Variants in MTCL1 observed in about 807,000 individuals in gnomAD.
MTCL1 encodes microtubule cross-linking factor 1.
In MTCL1, 79 loss-of-function variants were observed where a neutral mutation model predicts 141.4. The observed-to-expected ratio is 0.56, with a 90% CI of 0.47 to 0.67. MTCL1 has a LOEUF of 0.67. MTCL1 is among the 30% of genes least tolerant of loss of function. The pLI, the probability that MTCL1 is intolerant of heterozygous loss-of-function variation, is 0.00. For missense variants in MTCL1, 2,177 were observed against 2,113.9 expected (o/e 1.03, Z -0.59); for synonymous variants, 914 against 875.8 (o/e 1.04, Z -0.77).
intron 4 of MTCL1, among the ~76,000 whole-genome samples, chr18:8,763,796 A>T (rs608916): frequency 3.9e-5 from 6 of 152,040 alleles, no homozygotes; most frequent in African/African-American, 1.5e-4. Flanking sequence ...TATAAATTGT[A>T]TGTGAAATCA....
chr18:8,758,476 G>A (rs2096413927), intron 4 of MTCL1, among the ~76,000 whole-genome samples: 1 of 152,036 alleles, frequency 6.6e-6, no homozygotes, highest in South Asian at 2.1e-4. Context: ...CTTCACCTGG[G>A]GTTTCCTTCA....
chr18:8,735,746 G>T (rs148154373), intron 4 of MTCL1, among the ~76,000 whole-genome samples: 1 of 152,098 alleles, frequency 6.6e-6, no homozygotes, highest in South Asian at 2.1e-4. Flanking sequence ...AGTGTTTCCC[G>T]ATGCTCAAAG....
At chr18:8,716,061 A>G (rs566734156), upstream of MTCL1, among the ~76,000 whole-genome samples, 11 of 152,360 alleles carry the variant, frequency 7.2e-5, no homozygotes, top group South Asian at 2.3e-3. Flanking sequence ...CATGGAGGAA[A>G]AAAGAAATGA....
intron 8 of MTCL1, among the ~76,000 whole-genome samples, chr18:8,794,481 G>A (rs936144237): frequency 4.6e-5 from 7 of 152,200 alleles, no homozygotes; most frequent in African/African-American, 1.7e-4. Context: ...CTCTCCAGGA[G>A]GGCCTAGGCG....
exon 1 of MTCL1, chr18:8,706,691 G>C: frequency 1.3e-6 from 2 of 1,546,188 alleles, no homozygotes; most frequent in Non-Finnish European, 1.7e-6. Context: ...GAGGAGCTGC[G>C]CTCGGAGAAC....
chr18:8,786,052 G>A, exon 7 of MTCL1: 8 of 1,597,994 alleles, frequency 5.0e-6, no homozygotes, highest in African/African-American at 1.3e-5. Flanking sequence ...GGGACACCGG[G>A]AGCCACGGGC....
chr18:8,724,818 A>G (rs1432954190), intron 4 of MTCL1, among the ~76,000 whole-genome samples: 3 of 152,004 alleles, frequency 2.0e-5, no homozygotes, highest in African/African-American at 7.2e-5. Flanking sequence ...TACTTTCTCT[A>G]TTGATTAAAA....
At chr18:8,745,001 T>C (rs986733104) in intron 4 of MTCL1, among the ~76,000 whole-genome samples, 5 of 152,230 alleles carry the variant, frequency 3.3e-5, no homozygotes, top group Admixed American at 3.3e-4. Context: ...AATCCCATGA[T>C]CTGCAAAGAC....
At position 8,830,182 on chromosome 18, in the gene MTCL1, CTTGGG is replaced by C; in HGVS notation, c.*18+1221_*18+1225del. ...CAGTGAGATGAGGACACAGGAGCAC[CTTGGG>C]TTAGTCTGCATCTTGGTGGCTGGTG... On this transcript the variant is annotated intron_variant, in intron 16 of 16. Transcript: ENST00000359865. The surrounding 1 kb of genome is among the most constrained non-coding windows in gnomAD (Gnocchi z 6.4). 3 of 985,468 alleles carry C rather than the reference CTTGGG, an allele frequency of 3.0e-6. No individual in the cohort carries two copies. In the African/African-American group the frequency reaches 5.2e-5, roughly 17 times the overall value. The allele number at this position is 985,468 out of a possible 1,614,324, so 61.0% of individuals were successfully genotyped here.
At chr18:8,827,723 C>G (rs1384490560) in intron 15 of MTCL1, among the ~76,000 whole-genome samples, 1 of 152,162 alleles carries the variant, frequency 6.6e-6, no homozygotes, top group Non-Finnish European at 1.5e-5. Flanking sequence ...CCGGCTGTGT[C>G]TGTATTGTCT....
At chr18:8,720,519 C>T in intron 4 of MTCL1, 23 bp downstream of exon 3, 1 of 1,607,148 alleles carries the variant, frequency 6.2e-7, no homozygotes, top group Non-Finnish European at 8.5e-7. Context: ...TGTGGGGGTC[C>T]TGCCCCCTTG....
intron 13 of MTCL1, among the ~76,000 whole-genome samples, chr18:8,821,036 C>T (rs543477500): frequency 6.6e-6 from 1 of 152,322 alleles, no homozygotes; most frequent in East Asian, 1.9e-4. Context: ...GGACCACTAA[C>T]GTTACTCTAT....
chr18:8,710,377 AC>A (rs530533869), intron 1 of MTCL1, among the ~76,000 whole-genome samples: 16 of 152,012 alleles, frequency 1.1e-4, no homozygotes, highest in Admixed American at 7.2e-4. Flanking sequence ...AAACTCAAAT[AC>A]ATTTGGAAGT....
At chr18:8,741,683 A>G (rs2096304105) in intron 4 of MTCL1, among the ~76,000 whole-genome samples, 1 of 152,188 alleles carries the variant, frequency 6.6e-6, no homozygotes, top group African/African-American at 2.4e-5. Flanking sequence ...AGCAGCACAG[A>G]CTCGCAAATC....
In MTCL1 at chr18:8,822,896, A is replaced by C. The variant is rs1385194855; in HGVS notation, c.3188+1398A>C. On this transcript the variant is annotated intron_variant, in intron 14 of 16. Coordinates refer to ENST00000359865, the Ensembl canonical transcript of MTCL1. The surrounding 1 kb of genome is among the most constrained non-coding windows in gnomAD (Gnocchi z 4.6). ...ACTTTTATGCTTTCAAAAGTAACAC[A>C]TGCTTGTTATAAAATGTAAATATTG... is the stretch of plus-strand genomic sequence containing the variant. Among the ~76,000 whole-genome samples the C allele has an allele frequency of 2.6e-5, 4 of 152,060 alleles. No individual in the cohort carries two copies. The highest frequency in any genetic ancestry group is 5.9e-5 in the Non-Finnish European group (4 of 68,020).
chr18:8,790,178 A>T (rs917074235), intron 7 of MTCL1, among the ~76,000 whole-genome samples: 3 of 152,252 alleles, frequency 2.0e-5, no homozygotes, highest in Non-Finnish European at 2.9e-5. Context: ...TTCAAACAGA[A>T]GAGCACGTTT....
At chr18:8,821,789 A>G (rs1237699674) in intron 14 of MTCL1, among the ~76,000 whole-genome samples, 1 of 152,214 alleles carries the variant, frequency 6.6e-6, no homozygotes, top group Admixed American at 6.5e-5. Context: ...GGTTTTTGAA[A>G]GGTCCATGGA....
chr18:8,727,644 G>C (rs1175652234), intron 4 of MTCL1, among the ~76,000 whole-genome samples: 1 of 151,956 alleles, frequency 6.6e-6, no homozygotes, highest in African/African-American at 2.4e-5. Context: ...GCTTTTCTAT[G>C]GTTTCTTTAG....
At chr18:8,824,826 C>G (rs774599868) in exon 15 of MTCL1, 10 of 1,614,098 alleles carry the variant, frequency 6.2e-6, no homozygotes, top group Non-Finnish European at 3.4e-6. Context: ...TCCAGACGAC[C>G]TCAAGTACAT....
Sources: gnomAD v4.1 joint callset for allele counts (sites outside exome capture counted in the v4.1 genomes callset) on GRCh38, gnomAD v4.1.1 for gene constraint, Gnocchi (gnomAD v3.1) non-coding constraint, MANE v1.5 for transcripts, NCBI Gene and HGNC (gene_info 2026-07-23, HGNC 2026-07-21) for gene names.